Variants in NUAK1 observed in about 807,000 individuals in gnomAD.
The protein encoded by NUAK1 is NUAK family SNF1-like kinase 1.
Under a neutral mutation model 56.9 loss-of-function variants are expected in NUAK1, and 26 were observed. The ratio of observed to expected loss-of-function variants is 0.46; its 90% CI spans 0.33 to 0.63. NUAK1 has a LOEUF of 0.63. NUAK1 is among the 30% of genes least tolerant of loss of function. The pLI, the probability that NUAK1 is intolerant of heterozygous loss-of-function variation, is 0.02. For synonymous variants in NUAK1, 337 were observed against 336.0 expected (o/e 1.00, Z -0.03); for missense variants, 727 against 876.1 (o/e 0.83, Z 2.15).
intron 2 of NUAK1, among the ~76,000 whole-genome samples, chr12:106,096,685 AAGT>A (rs2032699847): frequency 6.6e-6 from 1 of 152,200 alleles, no homozygotes; most frequent in Admixed American, 6.5e-5. Context: ...CCCAACAGCT[AAGT>A]AAGTAAACCC....
chr12:106,107,258 A>G (rs2032812271), intron 1 of NUAK1, among the ~76,000 whole-genome samples: 1 of 152,190 alleles, frequency 6.6e-6, no homozygotes, highest in Non-Finnish European at 1.5e-5. Flanking sequence ...GGGCCAACAC[A>G]TGGAGCAATT....
chr12:106,115,969 T>C (rs2032913073), intron 1 of NUAK1, among the ~76,000 whole-genome samples: 1 of 152,174 alleles, frequency 6.6e-6, no homozygotes, highest in Non-Finnish European at 1.5e-5. Context: ...ACATTTTCGG[T>C]TGACCAACTC....
intron 1 of NUAK1, among the ~76,000 whole-genome samples, chr12:106,112,603 C>T (rs907779423): frequency 5.3e-5 from 8 of 152,208 alleles, no homozygotes; most frequent in Admixed American, 2.0e-4. Context: ...CAGAACAACA[C>T]CCCAGCAAGT....
intron 1 of NUAK1, among the ~76,000 whole-genome samples, chr12:106,108,957 A>G (rs2032831958): frequency 6.6e-6 from 1 of 152,176 alleles, no homozygotes; most frequent in South Asian, 2.1e-4. Flanking sequence ...AGGAAACTAA[A>G]AGGGCTCCAT....
chr12:106,073,419 T>C (rs1441609152), intron 4 of NUAK1, among the ~76,000 whole-genome samples: 2 of 152,190 alleles, frequency 1.3e-5, no homozygotes, highest in African/African-American at 4.8e-5. Context: ...GCATTGGGTT[T>C]TGAGTCATCA....
At chr12:106,135,814 G>A (rs1282859696) in intron 1 of NUAK1, among the ~76,000 whole-genome samples, 1 of 152,198 alleles carries the variant, frequency 6.6e-6, no homozygotes, top group Admixed American at 6.5e-5. Context: ...GGTACCAGAA[G>A]AAAACTCCAA....
At chr12:106,075,543 A>G (rs1458656319) in intron 4 of NUAK1, among the ~76,000 whole-genome samples, 1 of 152,180 alleles carries the variant, frequency 6.6e-6, no homozygotes, top group Non-Finnish European at 1.5e-5. Flanking sequence ...TAAAGTATGT[A>G]AAGTCCTTAC....
At chr12:106,112,059 C>T (rs2032864474) in intron 1 of NUAK1, among the ~76,000 whole-genome samples, 1 of 151,638 alleles carries the variant, frequency 6.6e-6, no homozygotes, top group South Asian at 2.1e-4. Flanking sequence ...GATGGACCCC[C>T]CTCCAAGCAG....
chr12:106,094,585 C>T (rs560545613), intron 2 of NUAK1, among the ~76,000 whole-genome samples: 8 of 152,334 alleles, frequency 5.3e-5, no homozygotes, highest in East Asian at 1.9e-4. Context: ...GTCAATAAAT[C>T]GGTCCGAGTT....
chr12:106,122,653 G>A (rs2032989635), intron 1 of NUAK1, among the ~76,000 whole-genome samples: 1 of 152,140 alleles, frequency 6.6e-6, no homozygotes. Context: ...ATCCCCAAAT[G>A]AATACAGCAA....
chr12:106,121,699 G>C (rs1030982790), intron 1 of NUAK1, among the ~76,000 whole-genome samples: 1 of 151,930 alleles, frequency 6.6e-6, no homozygotes, highest in African/African-American at 2.4e-5. Flanking sequence ...ACAGTGTGCC[G>C]AGACTGTGCC....
Position 106,133,358 on chromosome 12 carries a change from C to T in NUAK1, c.240+5056G>A, listed in dbSNP as rs140997605. 2.4e-3 allele frequency among the ~76,000 whole-genome samples: 362 copies of T among 152,252 alleles called. 1 individual carries two copies. The highest frequency in any genetic ancestry group is 8.2e-3 in the African/African-American group (340 of 41,544). On this transcript the variant is annotated intron_variant, in intron 1 of 6. Transcript: ENST00000261402. ...CTGGCCCCTCCTCTAGATACCCTTC[C>T]GGAAGGGTGGGCGATCACCCCATGG...
At chr12:106,093,720 C>A (rs2032660764) in intron 2 of NUAK1, among the ~76,000 whole-genome samples, 1 of 152,158 alleles carries the variant, frequency 6.6e-6, no homozygotes, top group South Asian at 2.1e-4. Context: ...TTACAGGATG[C>A]CCCAGGAAGG....
Position 106,083,967 on chromosome 12 carries a change from G to T in NUAK1, c.514-38C>A, listed in dbSNP as rs77900992. 1.4e-5 allele frequency: 22 copies of T among 1,557,056 alleles called. No homozygotes were observed. In the Admixed American group the frequency reaches 3.0e-4, roughly 21 times the overall value. On this transcript the variant is annotated intron_variant, in intron 3 of 6. Coordinates refer to ENST00000261402, the MANE Select transcript of NUAK1 (RefSeq NM_014840.3). Reference sequence around the variant, plus strand: ...GACAAAGAGGGAATTGAATGGGAGCGGCTGGGATGAGAACAAGAGAGAAAG... The same window carrying T: ...GACAAAGAGGGAATTGAATGGGAGCTGCTGGGATGAGAACAAGAGAGAAAG...
Position 106,138,551 on chromosome 12 carries a change from C to A in NUAK1, c.103G>T (p.Glu35Ter), listed in dbSNP as rs2033152269. 1.2e-6 allele frequency: 2 copies of A among 1,610,584 alleles called. No homozygotes were observed. The highest frequency in any genetic ancestry group is 1.7e-6 in the Non-Finnish European group (2 of 1,179,564). ...TTCACCCCGTGCGGCTTCCTGGGCT[C>A]CAGGGCTGCAGTCGCCCCCGCCACC... The part of the protein sequence containing the change: ...EAVAGATAAL[E>*]PRKPHGVKRH... Residue 35 changes from glutamate (E) to a stop codon, truncating the protein, a stop_gained, in exon 1 of 7, where the codon GAG becomes TAG. Coordinates refer to ENST00000261402, the MANE Select transcript of NUAK1 (RefSeq NM_014840.3). LOFTEE classifies it high-confidence loss of function. The surrounding 1 kb of genome is among the most constrained non-coding windows in gnomAD (Gnocchi z 5.0).
chr12:106,093,008 G>GA (rs2032651825), intron 2 of NUAK1, among the ~76,000 whole-genome samples: 1 of 152,180 alleles, frequency 6.6e-6, no homozygotes, highest in South Asian at 2.1e-4. Context: ...CAAAAGAGGA[G>GA]AAGGCACAGT....
At chr12:106,068,033 G>T in intron 6 of NUAK1, 78 bp from the exon 7 acceptor site, 2 of 1,379,882 alleles carry the variant, frequency 1.4e-6, no homozygotes, top group Non-Finnish European at 2.0e-6. Flanking sequence ...CTCCAGGAGT[G>T]ACGAAAGACA....
chr12:106,113,325 T>G (rs1033861375), intron 1 of NUAK1, among the ~76,000 whole-genome samples: 1 of 152,118 alleles, frequency 6.6e-6, no homozygotes, highest in Non-Finnish European at 1.5e-5. Flanking sequence ...AAGTTCGTGC[T>G]GAGTGGGCAT....
Position 106,067,610 on chromosome 12 carries a change from C to G in NUAK1, c.1178G>C (p.Ser393Thr). 3 of 1,614,250 alleles carry G rather than the reference C, an allele frequency of 1.9e-6. 1 individual carries two copies. The Middle Eastern group carries it at 4.9e-4, about 266-fold the overall frequency. Reference protein sequence around the residue: ...DAVPESPSKLSSKRPKGILKK... With the variant: ...DAVPESPSKLTSKRPKGILKK... The stretch of plus-strand genomic sequence containing the variant: ...CAGGATCCCCTTGGGCCTCTTAGAA[C>G]TCAACTTGGATGGGCTTTCAGGCAC... The change falls in exon 7 of 7, where the codon AGT becomes ACT. Residue 393 changes from serine (S) to threonine (T), a missense_variant. Coordinates refer to ENST00000261402, the MANE Select transcript of NUAK1 (RefSeq NM_014840.3). The surrounding 1 kb of genome is among the most constrained non-coding windows in gnomAD (Gnocchi z 6.0).
Sources: allele counts gnomAD v4.1 joint callset (sites outside exome capture counted in the v4.1 genomes callset), GRCh38; gene constraint gnomAD v4.1.1; non-coding constraint Gnocchi (gnomAD v3.1); transcripts MANE v1.5; gene names NCBI Gene and HGNC (gene_info 2026-07-23, HGNC 2026-07-21).